NRG1: variants seen among roughly 807,000 people sequenced by gnomAD.
NRG1 encodes the protein neuregulin 1, also known as pro-neuregulin-1, membrane-bound isoform.
Under a neutral mutation model 63.8 loss-of-function variants are expected in NRG1, and 18 were observed. The ratio of observed to expected loss-of-function variants is 0.28; its 90% CI spans 0.19 to 0.42. The LOEUF is 0.42. Among genes scored for constraint, NRG1 ranks in the 10% least tolerant of loss-of-function variants. The pLI, the probability that NRG1 is intolerant of heterozygous loss-of-function variation, is 1.00. For synonymous variants in NRG1, 302 were observed against 301.3 expected (o/e 1.00, Z -0.02); for missense variants, 762 against 814.7 (o/e 0.94, Z 0.79).
At chr8:31,809,315 T>A (rs1822600284) in intron 1 of NRG1, among the ~76,000 whole-genome samples, 1 of 143,920 alleles carries the variant, frequency 6.9e-6, no homozygotes, top group Admixed American at 7.1e-5. Context: ...CCTTCAGTTT[T>A]TTTTTTCTCT....
intron 1 of NRG1, among the ~76,000 whole-genome samples, chr8:32,480,656 G>A (rs1253865202): frequency 1.3e-5 from 2 of 152,168 alleles, no homozygotes; most frequent in Non-Finnish European, 2.9e-5. Context: ...TGGTTCTGTA[G>A]ACTATAAAGG....
chr8:32,425,389 A>G (rs1425884161), intron 1 of NRG1, among the ~76,000 whole-genome samples: 8 of 152,142 alleles, frequency 5.3e-5, no homozygotes, highest in Admixed American at 5.2e-4. Flanking sequence ...TGTGAAGACC[A>G]TCTGTAAGTG....
intron 5 of NRG1, among the ~76,000 whole-genome samples, chr8:32,619,320 G>A (rs1210956967): frequency 3.9e-5 from 6 of 152,208 alleles, no homozygotes; most frequent in Non-Finnish European, 7.3e-5. Context: ...CTCATGTGCC[G>A]TGTAGGGGAC....
At chr8:31,668,010 T>G (rs1226897851) in intron 1 of NRG1, among the ~76,000 whole-genome samples, 2 of 152,178 alleles carry the variant, frequency 1.3e-5, no homozygotes, top group African/African-American at 2.4e-5. Context: ...TCAACACATG[T>G]CACATTAATT....
At chr8:32,706,286 G>A (rs1563992511) in intron 5 of NRG1, among the ~76,000 whole-genome samples, 1 of 152,182 alleles carries the variant, frequency 6.6e-6, no homozygotes, top group Non-Finnish European at 1.5e-5. Context: ...CAGATCAGAT[G>A]TAGGCATAGA....
exon 1 of NRG1, chr8:32,548,517 G>A: frequency 1.6e-6 from 2 of 1,239,862 alleles, no homozygotes; most frequent in Non-Finnish European, 2.0e-6. Flanking sequence ...GCCAGGGCGA[G>A]CGCCCGTTCC....
rs561147583 is a variant in NRG1, at chr8:32,763,699, G to T, written c.1260-49G>T. 4.3e-5 allele frequency: 65 copies of T among 1,497,840 alleles called. 3 individuals carry two copies. In the South Asian group the frequency reaches 8.6e-4, roughly 20 times the overall value. The allele number at this position is 1,497,840 out of a possible 1,614,324, so 92.8% of individuals were successfully genotyped here. On this transcript the variant is annotated intron_variant, in intron 11 of 11. Transcript: ENST00000356819. ...TCTGTCCCCTTACCTTCCCTGCTATGTGCCTCTTATTGCACCACACTTATG... is the reference window on the plus strand; with the variant it reads ...TCTGTCCCCTTACCTTCCCTGCTATTTGCCTCTTATTGCACCACACTTATG...
chr8:32,421,683 CCTT>C (rs1247170298), intron 1 of NRG1, among the ~76,000 whole-genome samples: 2 of 152,188 alleles, frequency 1.3e-5, no homozygotes, highest in Non-Finnish European at 2.9e-5. Context: ...CCCAAGCTTT[CCTT>C]CTTCCTGTGC....
chr8:31,726,167 G>A (rs981400238), intron 1 of NRG1, among the ~76,000 whole-genome samples: 1 of 152,062 alleles, frequency 6.6e-6, no homozygotes, highest in African/African-American at 2.4e-5. Flanking sequence ...GAAAAGAACA[G>A]TCTGGTACAA....
At chr8:32,592,296 T>A (rs1280426587) in intron 1 of NRG1, among the ~76,000 whole-genome samples, 2 of 152,048 alleles carry the variant, frequency 1.3e-5, no homozygotes, top group Non-Finnish European at 2.9e-5. Flanking sequence ...AAATTTAACT[T>A]TGATACAATA....
At chr8:31,779,954 T>C (rs1317281025) in intron 1 of NRG1, among the ~76,000 whole-genome samples, 3 of 152,218 alleles carry the variant, frequency 2.0e-5, no homozygotes, top group Non-Finnish European at 4.4e-5. Context: ...TGGAGAGGAT[T>C]ACAACATAAA....
At chr8:32,585,867 C>G (rs1338075944) in intron 1 of NRG1, among the ~76,000 whole-genome samples, 1 of 152,100 alleles carries the variant, frequency 6.6e-6, no homozygotes, top group Non-Finnish European at 1.5e-5. Context: ...TAAATAAAAT[C>G]TTTAGCACAT....
chr8:32,422,715 G>A (rs569721680), intron 1 of NRG1, among the ~76,000 whole-genome samples: 1 of 152,314 alleles, frequency 6.6e-6, no homozygotes, highest in Admixed American at 6.5e-5. Flanking sequence ...CCAACGTTGG[G>A]TATTGTCAAT....
chr8:31,749,524 G>A (rs934599931), intron 1 of NRG1, among the ~76,000 whole-genome samples: 5 of 151,706 alleles, frequency 3.3e-5, no homozygotes, highest in East Asian at 3.9e-4. Context: ...TAGAGCAACC[G>A]CAATTGAATT....
intron 1 of NRG1, among the ~76,000 whole-genome samples, chr8:31,683,982 A>G (rs1481647608): frequency 6.6e-6 from 1 of 152,218 alleles, no homozygotes; most frequent in African/African-American, 2.4e-5. Flanking sequence ...CATAGAGCAT[A>G]TAAATATAGA....
intron 1 of NRG1, among the ~76,000 whole-genome samples, chr8:32,383,237 A>T (rs1319476113): frequency 6.6e-6 from 1 of 152,170 alleles, no homozygotes; most frequent in African/African-American, 2.4e-5. Flanking sequence ...AAAGACAACA[A>T]CAAAAACTTC....
chr8:31,695,731 C>T (rs1471894770), intron 1 of NRG1, among the ~76,000 whole-genome samples: 2 of 152,132 alleles, frequency 1.3e-5, no homozygotes, highest in African/African-American at 4.8e-5. Context: ...TTTTTAAGTT[C>T]AACTATTTTA....
At chr8:31,955,214 A>T (rs569631494) in intron 1 of NRG1, among the ~76,000 whole-genome samples, 4 of 152,306 alleles carry the variant, frequency 2.6e-5, no homozygotes, top group Admixed American at 2.6e-4. Context: ...TAAATTTTTA[A>T]AAAATAAAAG....
At chr8:32,769,538 C>G (rs7812718), downstream of NRG1, among the ~76,000 whole-genome samples, 25,985 of 152,074 alleles carry the variant, frequency 0.17, 2,354 homozygotes, top group Middle Eastern at 0.24. Context: ...TAAGGCAGGT[C>G]TGAAATCTGG....
Sources: gnomAD v4.1 joint callset for allele counts (sites outside exome capture counted in the v4.1 genomes callset) on GRCh38, gnomAD v4.1.1 for gene constraint, MANE v1.5 for transcripts, NCBI Gene and HGNC (gene_info 2026-07-23, HGNC 2026-07-21) for gene names.